EYS: variants seen among roughly 807,000 people sequenced by gnomAD.
EYS encodes the protein EGF-like photoreceptor maintenance factor.
In EYS, 250 loss-of-function variants were observed where a neutral mutation model predicts 282.1. The observed-to-expected ratio is 0.89, with a 90% CI of 0.80 to 0.98. The LOEUF is 0.98. EYS is among the 50% of genes least tolerant of loss of function. The pLI, the probability that EYS is intolerant of heterozygous loss-of-function variation, is 0.00. For missense variants in EYS, 4,016 were observed against 3,709.0 expected, an observed-to-expected ratio of 1.08 and a Z score of -2.15; for synonymous variants, 1,355 against 1,282.9, an observed-to-expected ratio of 1.06 and a Z score of -1.20.
chr6:65,363,859 G>A (rs928003922), intron 8 of EYS, among the ~76,000 whole-genome samples: 7 of 151,330 alleles, frequency 4.6e-5, no homozygotes, highest in African/African-American at 1.7e-4. Context: ...TATCATTTTT[G>A]TATAATCAAA....
At chr6:64,559,637 C>A (rs1310573715) in intron 26 of EYS, among the ~76,000 whole-genome samples, 1 of 151,846 alleles carries the variant, frequency 6.6e-6, no homozygotes, top group Non-Finnish European at 1.5e-5. Context: ...AAAAAGAATG[C>A]AGTATTTCAA....
At chr6:65,242,452 A>G (rs1296687188) in intron 12 of EYS, among the ~76,000 whole-genome samples, 1 of 152,108 alleles carries the variant, frequency 6.6e-6, no homozygotes, top group African/African-American at 2.4e-5. Context: ...ATGCGTCAGT[A>G]TGTCATTCCT....
intron 5 of EYS, among the ~76,000 whole-genome samples, chr6:65,435,093 T>C (rs1768024382): frequency 6.6e-6 from 1 of 151,828 alleles, no homozygotes; most frequent in Non-Finnish European, 1.5e-5. Context: ...AGATATTTTC[T>C]ATCTGATTTA....
chr6:65,495,706 C>T (rs1339731929), intron 3 of EYS, 99 bp from the exon 4 acceptor site: 1 of 432,906 alleles, frequency 2.3e-6, no homozygotes, highest in African/African-American at 2.0e-5. Context: ...AGAGCCTACA[C>T]TGCAAAGATA....
intron 13 of EYS, among the ~76,000 whole-genome samples, chr6:65,013,635 G>A (rs77594280): frequency 0.071 from 10,851 of 152,222 alleles, 450 homozygotes; most frequent in African/African-American, 0.12. Flanking sequence ...CAGGACTTTG[G>A]GAGGCCAAGG....
Position 64,591,165 on chromosome 6 carries a change from G to A in EYS, c.4702C>T (p.Arg1568Cys), listed in dbSNP as rs1332331626. ...TGCAAAACTTGATCTGAGAATTCACGAGAGGATTTTATTTCAGTCATAGAA... is the reference window on the plus strand; with the variant it reads ...TGCAAAACTTGATCTGAGAATTCACAAGAGGATTTTATTTCAGTCATAGAA... Reference protein sequence around the residue: ...TCSMTEIKSSREFSDQVLHSK... With the variant: ...TCSMTEIKSSCEFSDQVLHSK... The change falls in exon 26 of 43, where the codon CGT becomes TGT. Residue 1568 changes from arginine (R) to cysteine (C), a missense_variant. By Grantham distance (180) the Arg-to-Cys change is radical. Transcript: ENST00000503581. 1.6e-5 allele frequency: 25 copies of A among 1,551,136 alleles called. No homozygotes were observed. Among genetic ancestry groups the A allele is most frequent in the Admixed American group, 5.9e-5 (3 of 50,938 alleles).
At chr6:63,891,236 T>C (rs966913957) in intron 35 of EYS, among the ~76,000 whole-genome samples, 11 of 152,210 alleles carry the variant, frequency 7.2e-5, no homozygotes, top group African/African-American at 2.7e-4. Flanking sequence ...ACTCATTTTA[T>C]GAGGCCAGCA....
intron 19 of EYS, among the ~76,000 whole-genome samples, chr6:64,869,973 A>G (rs1447238144): frequency 6.6e-6 from 1 of 151,646 alleles, no homozygotes; most frequent in Non-Finnish European, 1.5e-5. Context: ...TATTATTTCA[A>G]CTGAAGTGAT....
At chr6:63,770,255 T>C (rs1304616513) in intron 40 of EYS, among the ~76,000 whole-genome samples, 1 of 152,034 alleles carries the variant, frequency 6.6e-6, no homozygotes, top group Non-Finnish European at 1.5e-5. Flanking sequence ...AAAAATATAA[T>C]CTCTGCTTAG....
intron 12 of EYS, among the ~76,000 whole-genome samples, chr6:65,292,072 C>T (rs935996742): frequency 1.3e-5 from 2 of 151,470 alleles, no homozygotes; most frequent in African/African-American, 4.8e-5. Context: ...ACCCCGGTGA[C>T]TAAAAACAAA....
At chr6:64,089,460 C>G (rs1287748058) in intron 31 of EYS, among the ~76,000 whole-genome samples, 1 of 149,284 alleles carries the variant, frequency 6.7e-6, no homozygotes, top group Non-Finnish European at 1.5e-5. Context: ...TTATGATTAT[C>G]AATATCTTAA....
chr6:65,094,317 G>GAAAAAAAA (rs35028634), intron 12 of EYS, among the ~76,000 whole-genome samples: 4 of 73,816 alleles, frequency 5.4e-5, no homozygotes, highest in African/African-American at 1.1e-4. Flanking sequence ...ATATCTTAAC[G>GAAAAAAAA]AAAAAAAAAA....
intron 31 of EYS, among the ~76,000 whole-genome samples, chr6:64,193,111 T>A (rs1765167788): frequency 6.6e-6 from 1 of 152,236 alleles, no homozygotes; most frequent in South Asian, 2.1e-4. Context: ...TGTAGAAATT[T>A]CTTTCTTCCA....
chr6:64,180,334 A>G (rs1285501563), intron 31 of EYS, among the ~76,000 whole-genome samples: 1 of 152,188 alleles, frequency 6.6e-6, no homozygotes, highest in African/African-American at 2.4e-5. Flanking sequence ...AAACACCTAA[A>G]GCCAAAGTTA....
intron 13 of EYS, among the ~76,000 whole-genome samples, chr6:65,009,867 C>T (rs1771811256): frequency 6.6e-6 from 1 of 152,214 alleles, no homozygotes; most frequent in East Asian, 1.9e-4. Context: ...CCTGCCTATA[C>T]TGGCTTATCC....
intron 12 of EYS, among the ~76,000 whole-genome samples, chr6:65,146,902 T>C (rs989359013): frequency 2.6e-5 from 4 of 151,950 alleles, no homozygotes; most frequent in African/African-American, 9.7e-5. Context: ...TGGGTGTCTT[T>C]TTTCTGTGAT....
intron 22 of EYS, among the ~76,000 whole-genome samples, chr6:64,649,416 A>C (rs1768475868): frequency 6.6e-6 from 1 of 151,640 alleles, no homozygotes. Flanking sequence ...AGCTCACTGC[A>C]ACCTCCGCCT....
At chr6:65,021,853 T>C (rs763617717) in intron 13 of EYS, among the ~76,000 whole-genome samples, 76 of 152,310 alleles carry the variant, frequency 5.0e-4, no homozygotes, top group Non-Finnish European at 9.4e-4. Flanking sequence ...CTTCTTTACA[T>C]AGTGGCAGTA....
rs139821510 is a variant in EYS at position 63,983,647 on chromosome 6, G to T, written c.7055+736C>A. On this transcript the variant is annotated intron_variant, in intron 35 of 42. Transcript: ENST00000503581. ...ATTAAAATATTTCCTGTGCAATTTG[G>T]TCAATTTTTCCTTGACTTGAATTAT... 9.7e-3 allele frequency among the ~76,000 whole-genome samples: 1,467 copies of T among 151,668 alleles called. 28 individuals are homozygous for T. The highest frequency in any genetic ancestry group is 0.033 in the African/African-American group (1,358 of 41,430).
Sources: gnomAD v4.1 joint callset for allele counts (sites outside exome capture counted in the v4.1 genomes callset) on GRCh38, gnomAD v4.1.1 for gene constraint, MANE v1.5 for transcripts, NCBI Gene and HGNC (gene_info 2026-07-23, HGNC 2026-07-21) for gene names.